Variants in PDE10A observed in about 807,000 individuals in gnomAD.
The protein encoded by PDE10A is phosphodiesterase 10A, also known as cAMP and cAMP-inhibited cGMP 3',5'-cyclic phosphodiesterase 10A.
Under a neutral mutation model 97.7 loss-of-function variants are expected in PDE10A, and 39 were observed. The ratio of observed to expected loss-of-function variants is 0.40; its 90% CI spans 0.31 to 0.52. The LOEUF (loss-of-function observed/expected upper bound fraction) is 0.52, where lower values mean the gene tolerates loss of function less well. Among genes scored for constraint, PDE10A ranks in the 20% least tolerant of loss-of-function variants. PDE10A has a pLI of 0.56. For missense variants in PDE10A, 731 were observed against 1,047.8 expected, an observed-to-expected ratio of 0.70 and a Z score of 4.17; for synonymous variants, 371 against 376.8, an observed-to-expected ratio of 0.98 and a Z score of 0.18.
chr6:165,656,905 T>A (rs2128428679), intron 1 of PDE10A, among the ~76,000 whole-genome samples: 1 of 152,338 alleles, frequency 6.6e-6, no homozygotes, highest in East Asian at 1.9e-4. Context: ...ATAACTGATT[T>A]TGTCTCATAC....
At chr6:165,937,718 TGTC>T (rs1783381501) in intron 1 of PDE10A, among the ~76,000 whole-genome samples, 1 of 152,232 alleles carries the variant, frequency 6.6e-6, no homozygotes, top group Admixed American at 6.5e-5. Context: ...AAAGAGCTGT[TGTC>T]AGTTTCACAA....
chr6:165,825,387 C>T (rs972744077), intron 1 of PDE10A, among the ~76,000 whole-genome samples: 8 of 152,180 alleles, frequency 5.3e-5, no homozygotes, highest in East Asian at 3.9e-4. Context: ...CTGAGGGCCC[C>T]GTTAAGTCAT....
rs117474694 is a variant in PDE10A at position 165,678,413 on chromosome 6, C to A, written c.-614-134845G>T. ...TGAAGCCACCACCTTTGTACTCAGA[C>A]CTTCTTTTCTGTATTCTTGAAAAAA... On this transcript the variant is annotated intron_variant, in intron 1 of 19. Coordinates refer to the PDE10A transcript ENST00000366882. Among the ~76,000 whole-genome samples the A allele has an allele frequency of 9.2e-3, 1,297 of 140,986 alleles. 15 individuals are homozygous for A. The highest frequency in any genetic ancestry group is 0.015 in the Non-Finnish European group (961 of 64,626). 92.5% of individuals were successfully genotyped at this position (140,986 alleles called of 152,430 possible).
chr6:165,954,507 T>C (rs1269355790), intron 1 of PDE10A, among the ~76,000 whole-genome samples: 2 of 152,080 alleles, frequency 1.3e-5, no homozygotes, highest in Non-Finnish European at 2.9e-5. Context: ...AACACAAAAC[T>C]CAACCAGCAG....
intron 1 of PDE10A, among the ~76,000 whole-genome samples, chr6:165,982,241 G>C (rs1364727180): frequency 1.3e-5 from 2 of 152,182 alleles, no homozygotes; most frequent in East Asian, 3.8e-4. Flanking sequence ...ATGTCCCCTA[G>C]ATTCATTCAG....
chr6:165,863,837 A>C lies in PDE10A; in HGVS notation c.-615+123692T>G, dbSNP rs560491671. ...TTTTCTGAATGTAACTGTTGAAGATAAGATAAACTTTCTTGAAATGTGCAT... is the reference window on the plus strand; with the variant it reads ...TTTTCTGAATGTAACTGTTGAAGATCAGATAAACTTTCTTGAAATGTGCAT... On this transcript the variant is annotated intron_variant, in intron 1 of 19. Transcript: ENST00000366882. 1.1e-4 allele frequency among the ~76,000 whole-genome samples: 17 copies of C among 152,364 alleles called. No individual in the cohort carries two copies. The South Asian group carries it at 3.3e-3, about 30-fold the overall frequency.
At chr6:165,852,667 T>C (rs544845175) in intron 1 of PDE10A, among the ~76,000 whole-genome samples, 1 of 152,302 alleles carries the variant, frequency 6.6e-6, no homozygotes, top group Non-Finnish European at 1.5e-5. Flanking sequence ...TGTTTTGTCA[T>C]GGAGAGGGAT....
chr6:165,402,954 C>A (rs539972490), intron 13 of PDE10A, among the ~76,000 whole-genome samples: 11 of 152,078 alleles, frequency 7.2e-5, no homozygotes, highest in African/African-American at 2.7e-4. Context: ...ACTTTAGGGT[C>A]GGGCAACTCT....
chr6:165,342,600 T>C (rs193258698), intron 19 of PDE10A, among the ~76,000 whole-genome samples: 2 of 152,356 alleles, frequency 1.3e-5, no homozygotes, highest in Non-Finnish European at 2.9e-5. Context: ...CATTCTTCTG[T>C]ATGAATGAGA....
chr6:165,598,159 T>C (rs897531991), intron 1 of PDE10A, among the ~76,000 whole-genome samples: 1 of 152,258 alleles, frequency 6.6e-6, no homozygotes, highest in Non-Finnish European at 1.5e-5. Flanking sequence ...AATTAGGTTT[T>C]ACAATACCAA....
intron 1 of PDE10A, among the ~76,000 whole-genome samples, chr6:165,615,613 T>C (rs575937158): frequency 3.0e-4 from 46 of 151,762 alleles, no homozygotes; most frequent in African/African-American, 1.1e-3. Flanking sequence ...CATATTGAAA[T>C]ATTTAAAGTA....
At chr6:165,977,511 T>G (rs1784886899) in intron 1 of PDE10A, among the ~76,000 whole-genome samples, 1 of 152,324 alleles carries the variant, frequency 6.6e-6, no homozygotes, top group East Asian at 1.9e-4. Flanking sequence ...ATAATTATAT[T>G]TGTGAGTCAA....
intron 2 of PDE10A, among the ~76,000 whole-genome samples, chr6:165,508,188 C>T (rs1031296435): frequency 6.6e-6 from 1 of 151,992 alleles, no homozygotes; most frequent in African/African-American, 2.4e-5. Context: ...ACACAAATCA[C>T]CCCAAAAGTT....
chr6:165,587,258 G>A (rs1785968553), intron 1 of PDE10A, among the ~76,000 whole-genome samples: 1 of 152,158 alleles, frequency 6.6e-6, no homozygotes, highest in Admixed American at 6.5e-5. Context: ...AAAGAAAGAA[G>A]TAAAGACGGG....
chr6:165,804,647 C>T (rs1779068124), intron 1 of PDE10A, among the ~76,000 whole-genome samples: 1 of 152,080 alleles, frequency 6.6e-6, no homozygotes, highest in Admixed American at 6.6e-5. Flanking sequence ...GGGGCCTTGG[C>T]CTGCAGGCGG....
upstream of PDE10A, among the ~76,000 whole-genome samples, chr6:165,665,334 G>A (rs1383354073): frequency 6.6e-6 from 1 of 152,190 alleles, no homozygotes; most frequent in Non-Finnish European, 1.5e-5. Context: ...CCGTGCTCAG[G>A]TGGCTGCTGC....
chr6:165,516,497 C>T (rs528328950), intron 2 of PDE10A, among the ~76,000 whole-genome samples: 40 of 152,280 alleles, frequency 2.6e-4, no homozygotes, highest in African/African-American at 8.9e-4. Flanking sequence ...GAACTTTCTA[C>T]TACCATTGTA....
chr6:165,364,020 CAT>C (rs1208669710), intron 18 of PDE10A, among the ~76,000 whole-genome samples: 1 of 152,112 alleles, frequency 6.6e-6, no homozygotes. Flanking sequence ...AGGTGATTCA[CAT>C]GGAATTGCTA....
intron 10 of PDE10A, among the ~76,000 whole-genome samples, chr6:165,425,770 CGTGTGTGT>C (rs57229720): frequency 1.4e-5 from 2 of 144,016 alleles, no homozygotes; most frequent in Non-Finnish European, 1.5e-5. Flanking sequence ...AAGGCATGAT[CGTGTGTGT>C]GTGTGTGTGT....
Sources: gnomAD v4.1 joint callset for allele counts (sites outside exome capture counted in the v4.1 genomes callset) on GRCh38, gnomAD v4.1.1 for gene constraint, MANE v1.5 for transcripts, NCBI Gene and HGNC (gene_info 2026-07-23, HGNC 2026-07-21) for gene names.